The following INPP5K variants were observed in gnomAD, a reference collection of about 807,000 sequenced individuals.
The protein encoded by INPP5K is inositol polyphosphate 5-phosphatase K.
A neutral mutation model predicts 53.5 loss-of-function variants in INPP5K; 35 were observed. The observed-to-expected ratio is 0.65, with a 90% confidence interval of 0.50 to 0.87. INPP5K has a LOEUF of 0.87. Among genes scored for constraint, INPP5K ranks in the 40% least tolerant of loss-of-function variants. INPP5K has a pLI of 0.00. For synonymous variants in INPP5K, 253 were observed against 232.8 expected (o/e 1.09, Z -0.79); for missense variants, 550 against 586.2 (o/e 0.94, Z 0.64).
chr17:1,509,007 G>A, intron 5 of INPP5K, 171 bp downstream of exon 5: 3 of 548,800 alleles, frequency 5.5e-6, no homozygotes, highest in Non-Finnish European at 9.4e-6. Flanking sequence ...ACTCGTGGCG[G>A]TCAGCGTGGG....
At chr17:1,511,179 G>A (rs1253954292) in intron 3 of INPP5K, among the ~76,000 whole-genome samples, 2 of 152,190 alleles carry the variant, frequency 1.3e-5, no homozygotes, top group Non-Finnish European at 2.9e-5. Flanking sequence ...CTGCTCAAGT[G>A]CCTCCTCTCT....
At position 1,495,012 on chromosome 17, in the gene INPP5K, C is replaced by A. The variant is rs8082158; in HGVS notation, c.*811G>T. The A allele has an allele frequency of 0.14, 20,741 of 152,222 alleles. 1,482 individuals are homozygous for A. Among genetic ancestry groups the A allele is most frequent in the African/African-American group, 0.18 (7,601 of 41,504 alleles). The allele number at this position is 152,222 out of a possible 1,614,324, so 9.4% of individuals were successfully genotyped here. A position where few individuals can be genotyped will look rare whatever the true frequency, so the allele number is the denominator to read the frequency against. ...GGGTGGCACAGACGCACCTCACCTG[C>A]CAAGGACCACCCTGGAAAAGTCTGT... On this transcript the variant is annotated 3_prime_UTR_variant, in exon 12 of 12. Transcript: ENST00000421807.
intron 3 of INPP5K, among the ~76,000 whole-genome samples, chr17:1,511,300 A>G (rs1004236974): frequency 1.3e-5 from 2 of 152,102 alleles, no homozygotes; most frequent in African/African-American, 2.4e-5. Context: ...GTAAAACAAC[A>G]TCAAAGGGCT....
intron 1 of INPP5K, chr17:1,515,929 A>C (rs2075423802): frequency 2.0e-6 from 2 of 987,352 alleles, no homozygotes; most frequent in Non-Finnish European, 2.4e-6. Context: ...TCTTGTTCCC[A>C]CTCTCAAATC....
At chr17:1,496,475 G>A (rs1360057112) in intron 9 of INPP5K, 73 bp from the exon 10 acceptor site, 5 of 1,380,466 alleles carry the variant, frequency 3.6e-6, no homozygotes, top group East Asian at 2.5e-5. Flanking sequence ...GGAAGAGATG[G>A]TCTCCCTGCT....
intron 7 of INPP5K, among the ~76,000 whole-genome samples, chr17:1,503,777 T>C (rs988831690): frequency 6.6e-6 from 1 of 152,146 alleles, no homozygotes; most frequent in Non-Finnish European, 1.5e-5. Flanking sequence ...AACTCCAGTG[T>C]AACCCCGGAC....
chr17:1,513,832 G>T (rs2075367669), intron 2 of INPP5K, 40 bp downstream of exon 2: 2 of 1,458,524 alleles, frequency 1.4e-6, no homozygotes, highest in South Asian at 2.4e-5. Context: ...GGAAACCTGG[G>T]ACTGGTCAGG....
chr17:1,512,135 G>A (rs1324877681), intron 3 of INPP5K, among the ~76,000 whole-genome samples: 1 of 152,210 alleles, frequency 6.6e-6, no homozygotes, highest in Non-Finnish European at 1.5e-5. Flanking sequence ...TTGGGTGCCA[G>A]GCCCTCAGTC....
At chr17:1,511,082 G>A (rs976967603) in intron 3 of INPP5K, among the ~76,000 whole-genome samples, 14 of 152,132 alleles carry the variant, frequency 9.2e-5, no homozygotes, top group African/African-American at 2.4e-4. Context: ...TATATACTGC[G>A]TGCAGCTGGG....
At chr17:1,499,164 T>A (rs1165744103) in intron 7 of INPP5K, among the ~76,000 whole-genome samples, 6 of 152,222 alleles carry the variant, frequency 3.9e-5, no homozygotes, top group Non-Finnish European at 7.3e-5. Flanking sequence ...TTTAGCACAG[T>A]GCTTGGTGCA....
Position 1,507,097 on chromosome 17 carries a change from CA to C in INPP5K, c.667-9del. Reference sequence around the variant, plus strand: ...TTTCTTGGCAATGCTGAGCTGCAGACAAAGTCATAGTCCCCGTCTCCCAGTA... The same window carrying C: ...TTTCTTGGCAATGCTGAGCTGCAGACAAGTCATAGTCCCCGTCTCCCAGTA... On this transcript the variant is annotated splice_polypyrimidine_tract_variant and intron_variant, in intron 6 of 11. Coordinates refer to ENST00000421807, the MANE Select transcript of INPP5K (RefSeq NM_016532.4). The C allele has an allele frequency of 6.2e-7, 1 of 1,612,036 alleles. No individual in the cohort carries two copies. The highest frequency in any genetic ancestry group is 2.2e-5 in the East Asian group (1 of 44,870).
chr17:1,500,893 A>C (rs973068229), intron 7 of INPP5K, among the ~76,000 whole-genome samples: 2 of 151,950 alleles, frequency 1.3e-5, no homozygotes, highest in Non-Finnish European at 2.9e-5. Context: ...GTCTAATCTT[A>C]ATGTTTACAG....
chr17:1,499,935 C>T (rs151145225), intron 7 of INPP5K, among the ~76,000 whole-genome samples: 2 of 152,362 alleles, frequency 1.3e-5, no homozygotes, highest in African/African-American at 4.8e-5. Flanking sequence ...TGTGTTGAAT[C>T]CTATCTACCT....
Position 1,508,170 on chromosome 17 carries a change from A to C in INPP5K, c.611T>G (p.Phe204Cys). The part of the protein sequence containing the change: ...NFRIEDFGLH[F>C]VRESIKNRCY... Reference sequence around the variant, plus strand: ...CCGATTTTTAATGGATTCCCGAACAAAGTGCAACCCAAAGTCCTCGATCCG... The same window carrying C: ...CCGATTTTTAATGGATTCCCGAACACAGTGCAACCCAAAGTCCTCGATCCG... The change falls in exon 6 of 12, where the codon TTT becomes TGT. Residue 204 changes from phenylalanine to cysteine, a missense_variant. Transcript: ENST00000421807. The C allele has an allele frequency of 6.2e-7, 1 of 1,614,150 alleles. No individual in the cohort carries two copies. The highest frequency in any genetic ancestry group is 8.5e-7 in the Non-Finnish European group (1 of 1,180,016).
In INPP5K at chr17:1,513,454, T is replaced by C. The variant is rs1234571281; in HGVS notation, c.260A>G (p.Lys87Arg). 1.2e-6 allele frequency: 2 copies of C among 1,613,492 alleles called. No homozygotes were observed. The highest frequency in any genetic ancestry group is 1.7e-6 in the Non-Finnish European group (2 of 1,179,518). ...MDVLSPLSFIKVSHVRMQGIL... is the reference protein window; with the variant it reads ...MDVLSPLSFIRVSHVRMQGIL... Reference sequence around the variant, plus strand: ...AGTGCCAATGAACTGGCAAGTTACCTTGATGAAGCTCAGAGGGGAAAGCAC... The same window carrying C: ...AGTGCCAATGAACTGGCAAGTTACCCTGATGAAGCTCAGAGGGGAAAGCAC... The change falls in exon 3 of 12, where the codon AAG (lysine) becomes AGG (arginine). Residue 87 changes from lysine to arginine, a missense_variant and splice_region_variant. Lys to Arg is a conservative substitution (Grantham distance 26). Coordinates refer to ENST00000421807, the MANE Select transcript of INPP5K (RefSeq NM_016532.4).
At position 1,513,974 on chromosome 17, in the gene INPP5K, T is replaced by G. The variant is rs749282001; in HGVS notation, c.50A>C (p.His17Pro). The G allele has an allele frequency of 6.2e-7, 1 of 1,608,930 alleles. No homozygotes were observed. Among genetic ancestry groups the G allele is most frequent in the Admixed American group, 1.7e-5 (1 of 59,602 alleles). The change falls in exon 2 of 12, where the codon CAC becomes CCC. Residue 17 changes from histidine to proline, a missense_variant. His to Pro is a moderately conservative substitution (Grantham distance 77, BLOSUM62 -2). Coordinates refer to ENST00000421807, the MANE Select transcript of INPP5K (RefSeq NM_016532.4). The stretch of plus-strand genomic sequence containing the variant: ...CGAAGCCACGTTCCAAGTCACGACG[T>G]GTATGCTGCGGAAGGGATGCAGAGG... ...SGPKGRRLSI[H>P]VVTWNVASAA...
In INPP5K at chr17:1,499,385, C is replaced by T. The variant is rs1278506227; in HGVS notation, c.777-1263G>A. Among the ~76,000 whole-genome samples, 6 of 152,066 alleles carry T rather than the reference C, an allele frequency of 3.9e-5. No homozygotes were observed. The East Asian group carries it at 5.8e-4, about 15-fold the overall frequency. On this transcript the variant is annotated intron_variant, in intron 7 of 11. Transcript: ENST00000421807. ...GCAGGTGCCTGTAATCCCAGCTACT[C>T]GGGAGGCTGAGGCAAGATAATTGCT...
Position 1,497,039 on chromosome 17 carries a change from G to C in INPP5K, c.964-236C>G, listed in dbSNP as rs575329912. Among the ~76,000 whole-genome samples the C allele has an allele frequency of 3.3e-5, 5 of 152,230 alleles. No individual in the cohort carries two copies. The South Asian group carries it at 6.2e-4, about 19-fold the overall frequency. On this transcript the variant is annotated intron_variant, in intron 8 of 11. Coordinates refer to ENST00000421807, the MANE Select transcript of INPP5K (RefSeq NM_016532.4). ...GGAATCCCATGGGGCCCAGCGCTGG[G>C]GGGTAGGAATGGCGGAGAGCAGAGG...
chr17:1,516,327 G>T, intron 1 of INPP5K, 129 bp downstream of exon 1: 1 of 1,096,744 alleles, frequency 9.1e-7, no homozygotes, highest in South Asian at 1.5e-5. Context: ...ACAGGCGTGG[G>T]AGAAGGCGAG....
Sources: allele counts gnomAD v4.1 joint callset (sites outside exome capture counted in the v4.1 genomes callset), GRCh38; gene constraint gnomAD v4.1.1; transcripts MANE v1.5; gene names NCBI Gene and HGNC (gene_info 2026-07-23, HGNC 2026-07-21).